LRRC37A2: variants seen among roughly 807,000 people sequenced by gnomAD.
LRRC37A2 encodes leucine-rich repeat-containing protein 37A2.
A neutral mutation model predicts 68.8 loss-of-function variants in LRRC37A2; 9 were observed. The observed-to-expected ratio is 0.13, with a 90% confidence interval of 0.08 to 0.23. LRRC37A2 has a LOEUF of 0.23. Among genes scored for constraint, LRRC37A2 ranks in the 10% least tolerant of loss-of-function variants. The pLI is 1.00. For synonymous variants in LRRC37A2, 63 were observed against 367.6 expected, an observed-to-expected ratio of 0.17 and a Z score of 9.48; for missense variants, 168 against 950.4, an observed-to-expected ratio of 0.18 and a Z score of 10.82.
the LRRC37A2 span, among the ~76,000 whole-genome samples, chr17:46,735,521 C>T: frequency 6.6e-6 from 1 of 151,646 alleles, no homozygotes; most frequent in African/African-American, 2.4e-5. Flanking sequence ...GGCATTATAG[C>T]CTTGAACGTC....
At chr17:46,893,910 T>C in the LRRC37A2 span, among the ~76,000 whole-genome samples, 1 of 152,102 alleles carries the variant, frequency 6.6e-6, no homozygotes, top group African/African-American at 2.4e-5. Flanking sequence ...GGAGGTGCCT[T>C]GGTGGACATT....
chr17:46,732,074 A>G, the LRRC37A2 span, among the ~76,000 whole-genome samples: 1 of 152,200 alleles, frequency 6.6e-6, no homozygotes, highest in Non-Finnish European at 1.5e-5. Flanking sequence ...AGGTATATTC[A>G]GCTAAATATT....
At chr17:46,625,961 A>G in the LRRC37A2 span, among the ~76,000 whole-genome samples, 2 of 144,346 alleles carry the variant, frequency 1.4e-5, no homozygotes, top group African/African-American at 5.3e-5. Flanking sequence ...AGTACTTTTT[A>G]GTTACCTGGT....
At chr17:46,923,870 A>G in the LRRC37A2 span, 3 of 398,230 alleles carry the variant, frequency 7.5e-6, no homozygotes, top group African/African-American at 6.2e-5. Flanking sequence ...TACGTAGTTG[A>G]GTATTAATGG....
the LRRC37A2 span, among the ~76,000 whole-genome samples, chr17:46,781,623 G>C: frequency 6.6e-6 from 1 of 152,194 alleles, no homozygotes; most frequent in Non-Finnish European, 1.5e-5. Flanking sequence ...TGCTTAATAA[G>C]TACAGAGTTT....
At chr17:46,843,510 T>G in the LRRC37A2 span, among the ~76,000 whole-genome samples, 1 of 152,226 alleles carries the variant, frequency 6.6e-6, no homozygotes, top group African/African-American at 2.4e-5. Context: ...AGCTACCTCT[T>G]CCCTGGAACA....
the LRRC37A2 span, among the ~76,000 whole-genome samples, chr17:46,791,269 A>G: frequency 5.9e-5 from 9 of 151,424 alleles, no homozygotes. Flanking sequence ...GCTGTAGTGC[A>G]GTGGCGTGAT....
the LRRC37A2 span, among the ~76,000 whole-genome samples, chr17:47,035,292 A>G: frequency 6.6e-6 from 1 of 152,176 alleles, no homozygotes; most frequent in African/African-American, 2.4e-5. Flanking sequence ...ATCCCCCAAA[A>G]AAACATGGTA....
chr17:46,837,948 G>C, the LRRC37A2 span, among the ~76,000 whole-genome samples: 1 of 152,142 alleles, frequency 6.6e-6, no homozygotes, highest in Non-Finnish European at 1.5e-5. Flanking sequence ...CACTCAGAGG[G>C]GCTTCATGGG....
the LRRC37A2 span, among the ~76,000 whole-genome samples, chr17:46,746,281 C>G: frequency 6.6e-6 from 1 of 152,176 alleles, no homozygotes; most frequent in South Asian, 2.1e-4. Context: ...TATGCGCAGT[C>G]ATCTGTTAAG....
the LRRC37A2 span, among the ~76,000 whole-genome samples, chr17:47,002,341 T>C: frequency 6.6e-6 from 1 of 152,118 alleles, no homozygotes; most frequent in South Asian, 2.1e-4. Flanking sequence ...ATTTATCCTT[T>C]GTGTTACAAA....
At chr17:46,541,042 AACC>A (rs2055217242) in intron 8 of LRRC37A2, among the ~76,000 whole-genome samples, 161 bp downstream of exon 7, 2 of 129,088 alleles carry the variant, frequency 1.5e-5, no homozygotes, top group African/African-American at 3.7e-5. Context: ...ATAGTTACAT[AACC>A]ACCACCACAT....
At chr17:47,015,025 T>TTTGG in the LRRC37A2 span, among the ~76,000 whole-genome samples, 2 of 148,650 alleles carry the variant, frequency 1.3e-5, no homozygotes, top group African/African-American at 2.5e-5. Flanking sequence ...TTTTTTTTTT[T>TTTGG]GAGATGGAGT....
the LRRC37A2 span, among the ~76,000 whole-genome samples, chr17:46,744,589 G>A: frequency 4.0e-5 from 6 of 151,860 alleles, no homozygotes; most frequent in Non-Finnish European, 8.8e-5. Context: ...CCATTTCACT[G>A]CAGTATTATA....
At chr17:46,713,534 T>C in the LRRC37A2 span, among the ~76,000 whole-genome samples, 1 of 152,242 alleles carries the variant, frequency 6.6e-6, no homozygotes, top group Non-Finnish European at 1.5e-5. Flanking sequence ...ACATAAGTAC[T>C]AATATGCATT....
At chr17:46,952,123 T>TA in the LRRC37A2 span, among the ~76,000 whole-genome samples, 1 of 152,218 alleles carries the variant, frequency 6.6e-6, no homozygotes, top group Non-Finnish European at 1.5e-5. Flanking sequence ...AAAATTCTTA[T>TA]AGTGGGTGGA....
the LRRC37A2 span, chr17:46,939,557 A>G: frequency 1.0e-6 from 1 of 985,412 alleles, no homozygotes; most frequent in Non-Finnish European, 1.2e-6. Flanking sequence ...TTTGCCCCTT[A>G]GAAAGTAGCT....
chr17:46,980,750 G>A, the LRRC37A2 span, among the ~76,000 whole-genome samples: 2 of 151,492 alleles, frequency 1.3e-5, no homozygotes, highest in Non-Finnish European at 2.9e-5. Flanking sequence ...GGAGAATGGC[G>A]TGAACCCGGG....
the LRRC37A2 span, among the ~76,000 whole-genome samples, chr17:46,891,913 CT>C: frequency 1.0e-4 from 12 of 117,306 alleles, no homozygotes; most frequent in African/African-American, 3.1e-4. Context: ...CTTTTCTTTT[CT>C]TTTCTTTTTT....
Sources: gnomAD v4.1 joint callset for allele counts (sites outside exome capture counted in the v4.1 genomes callset) on GRCh38, gnomAD v4.1.1 for gene constraint, MANE v1.5 for transcripts, NCBI Gene and HGNC (gene_info 2026-07-23, HGNC 2026-07-21) for gene names.